The following CCDC30 variants were observed in gnomAD, a reference collection of about 807,000 sequenced individuals.
The protein encoded by CCDC30 is coiled-coil domain containing 30.
In CCDC30, 70 loss-of-function variants were observed where a neutral mutation model predicts 100.2. That is an observed-to-expected ratio of 0.70 (90% CI 0.58 to 0.85). The LOEUF (loss-of-function observed/expected upper bound fraction) is 0.85. CCDC30 is among the 40% of genes least tolerant of loss of function. The pLI is 0.00. For missense variants in CCDC30, 652 were observed against 771.2 expected (o/e 0.85, Z 1.83); for synonymous variants, 233 against 269.5 (o/e 0.86, Z 1.33).
At chr1:42,494,748 T>C (rs1644202917) in intron 4 of CCDC30, among the ~76,000 whole-genome samples, 1 of 131,266 alleles carries the variant, frequency 7.6e-6, no homozygotes, top group Non-Finnish European at 1.6e-5. Context: ...AAAAAACACA[T>C]GAAAAAATGC....
At chr1:42,652,636 C>T (rs1026855052) in intron 15 of CCDC30, among the ~76,000 whole-genome samples, 2 of 152,192 alleles carry the variant, frequency 1.3e-5, no homozygotes, top group Non-Finnish European at 1.5e-5. Context: ...ACCCACTCTC[C>T]ATCCCCTGAT....
intron 6 of CCDC30, among the ~76,000 whole-genome samples, chr1:42,546,161 G>A (rs7354966): frequency 0.46 from 69,613 of 149,898 alleles, 16,673 homozygotes; most frequent in East Asian, 0.56. Flanking sequence ...CAAGGCGGGC[G>A]GATCACCTGA....
intron 6 of CCDC30, among the ~76,000 whole-genome samples, chr1:42,554,542 G>T (rs1042808911): frequency 6.7e-6 from 1 of 148,718 alleles, no homozygotes; most frequent in African/African-American, 2.4e-5. Context: ...CTCCCAAAGT[G>T]CTGGGATTAC....
the CCDC30 span, chr1:42,457,054 C>G: frequency 6.3e-7 from 1 of 1,598,244 alleles, no homozygotes; most frequent in Non-Finnish European, 8.5e-7. Flanking sequence ...AGGCTGCGGC[C>G]CAGGCACTCA....
At chr1:42,573,526 CAT>C (rs1476583842) in intron 7 of CCDC30, among the ~76,000 whole-genome samples, 3 of 151,970 alleles carry the variant, frequency 2.0e-5, no homozygotes, top group African/African-American at 7.2e-5. Context: ...TGCAAGTAAT[CAT>C]ATCATCTAAA....
intron 11 of CCDC30, among the ~76,000 whole-genome samples, chr1:42,616,371 C>T (rs1161765103): frequency 1.3e-5 from 2 of 152,132 alleles, no homozygotes; most frequent in African/African-American, 4.8e-5. Context: ...GTCTGTGGAT[C>T]AATACTTTTC....
intron 7 of CCDC30, among the ~76,000 whole-genome samples, chr1:42,573,667 G>C (rs1236924482): frequency 6.6e-6 from 1 of 151,618 alleles, no homozygotes; most frequent in Non-Finnish European, 1.5e-5. Flanking sequence ...CAGTCTCAAA[G>C]GAAAAGCTCT....
chr1:42,657,177 G>A (rs773209353), downstream of CCDC30, among the ~76,000 whole-genome samples: 1 of 152,196 alleles, frequency 6.6e-6, no homozygotes, highest in Non-Finnish European at 1.5e-5. Flanking sequence ...TTAAATGCAT[G>A]CTGTTATATT....
chr1:42,484,006 AT>A (rs1644007668), intron 3 of CCDC30, among the ~76,000 whole-genome samples: 1 of 151,888 alleles, frequency 6.6e-6, no homozygotes, highest in African/African-American at 2.4e-5. Flanking sequence ...TCCTTTCTAT[AT>A]TTTTAATCCG....
At chr1:42,549,311 C>T (rs1392557788) in intron 6 of CCDC30, among the ~76,000 whole-genome samples, 3 of 152,124 alleles carry the variant, frequency 2.0e-5, no homozygotes, top group Admixed American at 6.6e-5. Flanking sequence ...TCTTTTTTCA[C>T]AAATGAGGTC....
At position 42,642,544 on chromosome 1, in the gene CCDC30, G is replaced by A. The variant is rs200993796; in HGVS notation, c.1491G>A (p.Glu497=). ...TTCTAGAAAAAAGGAAACTTCAGGAGCAAGTCATAGAGCAAGAACAGTTGA... is the reference window on the plus strand; with the variant it reads ...TTCTAGAAAAAAGGAAACTTCAGGAACAAGTCATAGAGCAAGAACAGTTGA... The change falls in exon 13 of 17, where the codon GAG becomes GAA. Residue 497 remains glutamate (E), a synonymous_variant. Transcript: ENST00000668663. 1,825 of 1,606,658 alleles carry A rather than the reference G, an allele frequency of 1.1e-3. 34 individuals carry two copies. In the South Asian group the frequency reaches 0.019, roughly 17 times the overall value.
chr1:42,465,775 A>G (rs896347057), intron 1 of CCDC30, among the ~76,000 whole-genome samples: 3 of 152,202 alleles, frequency 2.0e-5, no homozygotes, highest in Non-Finnish European at 4.4e-5. Flanking sequence ...TGCTACTGAC[A>G]TATAGTTGGT....
intron 6 of CCDC30, chr1:42,521,152 T>C (rs1644638285): frequency 7.1e-6 from 1 of 140,646 alleles, no homozygotes; most frequent in Non-Finnish European, 1.6e-5. Flanking sequence ...TTTTTTTTTT[T>C]GTATTTTTAG....
At chr1:42,545,965 A>G (rs1645122321) in intron 6 of CCDC30, among the ~76,000 whole-genome samples, 1 of 151,206 alleles carries the variant, frequency 6.6e-6, no homozygotes, top group Admixed American at 6.6e-5. Context: ...TAATAATAAT[A>G]ATAATTTAAT....
intron 4 of CCDC30, 96 bp downstream of exon 4, chr1:42,490,325 G>A: frequency 2.0e-6 from 1 of 493,034 alleles, no homozygotes; most frequent in Non-Finnish European, 3.1e-6. Context: ...TTGGGCCCAG[G>A]AGTTGGAGGT....
At chr1:42,538,847 C>G (rs1038599457) in intron 6 of CCDC30, among the ~76,000 whole-genome samples, 1 of 152,150 alleles carries the variant, frequency 6.6e-6, no homozygotes, top group Non-Finnish European at 1.5e-5. Context: ...GATAATATAA[C>G]TATTGATAGT....
intron 6 of CCDC30, among the ~76,000 whole-genome samples, chr1:42,562,953 A>C (rs1645524375): frequency 6.6e-6 from 1 of 152,224 alleles, no homozygotes; most frequent in African/African-American, 2.4e-5. Flanking sequence ...GTCAGGAAAC[A>C]ATAGATGCTG....
At chr1:42,604,057 A>G (rs2148629604) in intron 10 of CCDC30, among the ~76,000 whole-genome samples, 1 of 151,694 alleles carries the variant, frequency 6.6e-6, no homozygotes, top group Middle Eastern at 3.4e-3. Context: ...CTGTCTCTCC[A>G]ATTTTTTTTT....
At chr1:42,655,156 T>C (rs983114345), downstream of CCDC30, among the ~76,000 whole-genome samples, 5 of 152,370 alleles carry the variant, frequency 3.3e-5, no homozygotes, top group South Asian at 1.0e-3. Flanking sequence ...AATCGCCATA[T>C]GATATTCAAT....
Sources: allele counts gnomAD v4.1 joint callset (sites outside exome capture counted in the v4.1 genomes callset), GRCh38; gene constraint gnomAD v4.1.1; transcripts MANE v1.5; gene names NCBI Gene and HGNC (gene_info 2026-07-23, HGNC 2026-07-21).